The following GNAO1 variants were observed in gnomAD, a reference collection of about 807,000 sequenced individuals.
The protein encoded by GNAO1 is G protein subunit alpha o1.
For missense variants in GNAO1, 166 were observed against 478.7 expected (o/e 0.35, Z 6.10); for synonymous variants, 164 against 180.7 (o/e 0.91, Z 0.74).
rs1311162710 is a variant in GNAO1 at position 56,338,717 on chromosome 16, C to T, written c.723+1857C>T. 2.6e-5 allele frequency among the ~76,000 whole-genome samples: 4 copies of T among 152,250 alleles called. No individual in the cohort carries two copies. In the East Asian group the frequency reaches 5.8e-4, roughly 22 times the overall value. ...CCGGCCATGGGGCTGGGCTCTCGCT[C>T]ACCTCTGGAAGATGGAAGCAAGGGA... On this transcript the variant is annotated intron_variant, in intron 6 of 8. Transcript: ENST00000262493.
chr16:56,344,066 G>A, intron 6 of GNAO1: 1 of 1,501,438 alleles, frequency 6.7e-7, no homozygotes, highest in Non-Finnish European at 8.9e-7. Context: ...AGACCTCAGA[G>A]GCTGGCACCA....
At chr16:56,283,415 C>T (rs2037133158) in intron 3 of GNAO1, among the ~76,000 whole-genome samples, 1 of 152,182 alleles carries the variant, frequency 6.6e-6, no homozygotes, top group South Asian at 2.1e-4. Flanking sequence ...ATAATGGTAG[C>T]TCTTTGGGAG....
chr16:56,305,445 T>G (rs1157785444), intron 3 of GNAO1, among the ~76,000 whole-genome samples: 10 of 152,020 alleles, frequency 6.6e-5, no homozygotes, highest in African/African-American at 2.4e-4. Flanking sequence ...TCTTGGGGGT[T>G]AAAGTGAGAC....
intron 2 of GNAO1, among the ~76,000 whole-genome samples, chr16:56,240,480 A>G (rs1411804851): frequency 6.6e-6 from 1 of 152,162 alleles, no homozygotes; most frequent in Non-Finnish European, 1.5e-5. Context: ...TTTTTGAACC[A>G]TGGTGCTGTT....
intron 2 of GNAO1, among the ~76,000 whole-genome samples, chr16:56,251,109 G>A (rs1176440160): frequency 6.6e-6 from 1 of 152,170 alleles, no homozygotes; most frequent in Non-Finnish European, 1.5e-5. Flanking sequence ...TCTACAACAG[G>A]CTATCATAGG....
chr16:56,352,403 T>C (rs2037932142), intron 7 of GNAO1: 1 of 152,526 alleles, frequency 6.6e-6, no homozygotes, highest in African/African-American at 2.4e-5. Flanking sequence ...CTGGTCCCTC[T>C]AGGGGCTGGG....
At position 56,336,743 on chromosome 16, in the gene GNAO1, C is replaced by T. The variant is rs150641952; in HGVS notation, c.606C>T (p.Val202=). ...CTGCCTCCTACAGGCTGTTTGACGT[C>T]GGAGGCCAGCGATCTGAACGCAAGA... ...FKNLHFRLFD[V]GGQRSERKKW... Residue 202 remains valine (V), a synonymous_variant, in exon 6 of 9, where the codon GTC becomes GTT. Coordinates refer to ENST00000262493, the MANE Select transcript of GNAO1 (RefSeq NM_020988.3). 148 of 1,611,544 alleles carry T rather than the reference C, an allele frequency of 9.2e-5. No homozygotes were observed. The highest frequency in any genetic ancestry group is 1.2e-4 in the Non-Finnish European group (145 of 1,179,282).
chr16:56,343,920 C>A, intron 6 of GNAO1: 1 of 1,614,088 alleles, frequency 6.2e-7, no homozygotes, highest in Non-Finnish European at 8.5e-7. Flanking sequence ...TCATCATCGC[C>A]AAAAACCTGC....
chr16:56,330,630 T>C (rs1166526632), intron 4 of GNAO1, among the ~76,000 whole-genome samples: 2 of 152,248 alleles, frequency 1.3e-5, no homozygotes, highest in Non-Finnish European at 2.9e-5. Context: ...CAAAATAGTA[T>C]TTACTGCCAC....
intron 2 of GNAO1, among the ~76,000 whole-genome samples, chr16:56,203,365 C>A (rs57555468): frequency 9.9e-5 from 15 of 152,224 alleles, no homozygotes; most frequent in African/African-American, 3.6e-4. Context: ...AATCATCATC[C>A]TTCTCTGGAA....
intron 3 of GNAO1, among the ~76,000 whole-genome samples, chr16:56,317,564 CA>C (rs1216493467): frequency 1.3e-5 from 2 of 151,944 alleles, no homozygotes; most frequent in African/African-American, 2.4e-5. Context: ...AGATAGATGC[CA>C]GGGAAGAGTG....
intron 3 of GNAO1, among the ~76,000 whole-genome samples, chr16:56,314,696 C>G (rs2037491448): frequency 6.6e-6 from 1 of 152,232 alleles, no homozygotes; most frequent in East Asian, 1.9e-4. Context: ...ACGATTGTAT[C>G]TGCTGCTGCT....
intron 2 of GNAO1, among the ~76,000 whole-genome samples, chr16:56,251,002 A>G (rs2036794276): frequency 1.3e-5 from 2 of 152,220 alleles, no homozygotes; most frequent in Admixed American, 1.3e-4. Flanking sequence ...GAATGAATAT[A>G]AGGTGGCCCC....
intron 6 of GNAO1, among the ~76,000 whole-genome samples, chr16:56,338,995 A>T (rs12927669): frequency 2.6e-5 from 4 of 152,122 alleles, no homozygotes; most frequent in Non-Finnish European, 1.5e-5. Context: ...GGTCACAGGC[A>T]GGCTCTTCCT....
intron 6 of GNAO1, among the ~76,000 whole-genome samples, chr16:56,348,884 C>T (rs1408261800): frequency 6.6e-6 from 1 of 152,172 alleles, no homozygotes; most frequent in Non-Finnish European, 1.5e-5. Context: ...TATGCCTGTC[C>T]TCTGCTCCCC....
At chr16:56,201,116 A>G (rs1374466318) in intron 2 of GNAO1, among the ~76,000 whole-genome samples, 1 of 152,172 alleles carries the variant, frequency 6.6e-6, no homozygotes, top group Non-Finnish European at 1.5e-5. Flanking sequence ...GAGCTACACA[A>G]AAAAGACTCT....
At chr16:56,229,919 A>T (rs1236795658) in intron 2 of GNAO1, among the ~76,000 whole-genome samples, 1 of 152,152 alleles carries the variant, frequency 6.6e-6, no homozygotes, top group Admixed American at 6.6e-5. Flanking sequence ...GAAGATGGTG[A>T]GTGTGTGCCC....
At chr16:56,284,032 G>C (rs980489170) in intron 3 of GNAO1, among the ~76,000 whole-genome samples, 1 of 152,184 alleles carries the variant, frequency 6.6e-6, no homozygotes, top group African/African-American at 2.4e-5. Flanking sequence ...ATCTCAGCAG[G>C]CTGCTTCCAG....
intron 6 of GNAO1, among the ~76,000 whole-genome samples, chr16:56,337,195 G>T (rs1277320181): frequency 2.0e-5 from 3 of 152,256 alleles, no homozygotes; most frequent in African/African-American, 4.8e-5. Context: ...AAACCAGGAG[G>T]CAGCCAAGCA....
Sources: allele counts gnomAD v4.1 joint callset (sites outside exome capture counted in the v4.1 genomes callset), GRCh38; gene constraint gnomAD v4.1.1; transcripts MANE v1.5; gene names NCBI Gene and HGNC (gene_info 2026-07-23, HGNC 2026-07-21).